The following SV2C variants were observed in gnomAD, a reference collection of about 807,000 sequenced individuals.
SV2C encodes synaptic vesicle glycoprotein 2C, also known as solute carrier family 22 member B3.
In SV2C, 49 loss-of-function variants were observed where a neutral mutation model predicts 79.7. The ratio of observed to expected loss-of-function variants is 0.61; its 90% CI spans 0.49 to 0.78. SV2C has a LOEUF of 0.78. Ranked by LOEUF, SV2C falls within the 30% of genes least tolerant of loss-of-function variation. The pLI is 0.00. For missense variants in SV2C, 833 were observed against 912.9 expected, an observed-to-expected ratio of 0.91 and a Z score of 1.13; for synonymous variants, 334 against 333.2, an observed-to-expected ratio of 1.00 and a Z score of -0.03.
chr5:76,115,476 AT>A, intron 1 of SV2C, among the ~76,000 whole-genome samples: 1 of 152,218 alleles, frequency 6.6e-6, no homozygotes, highest in Middle Eastern at 3.4e-3. Context: ...GAAGAGCTGG[AT>A]TTTTCTCTTT....
intron 1 of SV2C, among the ~76,000 whole-genome samples, chr5:76,130,004 T>A (rs1332389932): frequency 1.3e-5 from 2 of 151,978 alleles, no homozygotes; most frequent in South Asian, 2.1e-4. Flanking sequence ...ATCATTGTCC[T>A]CTCTGCCCCT....
chr5:75,934,302 C>T, the SV2C span, among the ~76,000 whole-genome samples: 2,613 of 107,810 alleles, frequency 0.024, 120 homozygotes, highest in African/African-American at 0.1. Flanking sequence ...TTCTTTCTTT[C>T]TTTTTTTTTT....
rs530194759 is a variant in SV2C at position 76,160,587 on chromosome 5, G to A, written c.580+28257G>A. Reference sequence around the variant, plus strand: ...AACCTTGTGTGCTTCAAAGCACACCGTCTAGAAAGTGACAAAACAGCCCAC... The same window carrying A: ...AACCTTGTGTGCTTCAAAGCACACCATCTAGAAAGTGACAAAACAGCCCAC... On this transcript the variant is annotated intron_variant, in intron 2 of 12. Transcript: ENST00000502798. Among the ~76,000 whole-genome samples, 298 of 152,236 alleles carry A rather than the reference G, an allele frequency of 2.0e-3. 1 individual carries two copies. The highest frequency in any genetic ancestry group is 4.2e-3 in the African/African-American group (176 of 41,562).
intron 2 of SV2C, among the ~76,000 whole-genome samples, chr5:76,192,029 C>T (rs572297932): frequency 7.4e-4 from 113 of 152,288 alleles, no homozygotes; most frequent in African/African-American, 2.7e-3. Context: ...AGAGCTCCAG[C>T]TCATCTAGCA....
chr5:76,231,915 T>G (rs1252732416), intron 4 of SV2C, among the ~76,000 whole-genome samples: 1 of 144,622 alleles, frequency 6.9e-6, no homozygotes, highest in East Asian at 1.9e-4. Context: ...CATGTGTCTT[T>G]ATAGCAGCAT....
chr5:75,953,484 G>A, the SV2C span, among the ~76,000 whole-genome samples: 3 of 151,974 alleles, frequency 2.0e-5, no homozygotes, highest in African/African-American at 4.8e-5. Context: ...CGTAGTAGAT[G>A]TTTCAGGATC....
chr5:76,005,790 G>A, the SV2C span, among the ~76,000 whole-genome samples: 1 of 152,178 alleles, frequency 6.6e-6, no homozygotes, highest in Non-Finnish European at 1.5e-5. Context: ...GAGTTCCAGT[G>A]ACATCATTTC....
intron 2 of SV2C, among the ~76,000 whole-genome samples, chr5:76,144,173 C>G (rs1749348502): frequency 6.6e-6 from 1 of 152,116 alleles, no homozygotes; most frequent in Non-Finnish European, 1.5e-5. Flanking sequence ...ATGCAGTGTT[C>G]CTATGCATTT....
chr5:76,299,077 G>T (rs1020519272), intron 10 of SV2C, 150 bp downstream of exon 10: 11 of 1,056,776 alleles, frequency 1.0e-5, no homozygotes, highest in Non-Finnish European at 1.3e-5. Context: ...TGGATCAAAG[G>T]TTGGCTTGTA....
At chr5:75,850,749 A>G in the SV2C span, among the ~76,000 whole-genome samples, 1 of 152,208 alleles carries the variant, frequency 6.6e-6, no homozygotes, top group Non-Finnish European at 1.5e-5. Context: ...TGCAACAAAC[A>G]GGTCAGCAAG....
the SV2C span, among the ~76,000 whole-genome samples, chr5:75,878,382 G>A: frequency 6.6e-6 from 1 of 152,234 alleles, no homozygotes; most frequent in Non-Finnish European, 1.5e-5. Context: ...TTCTTTTTCA[G>A]AATCTGCTCA....
intron 4 of SV2C, among the ~76,000 whole-genome samples, chr5:76,255,292 C>T (rs778721940): frequency 5.3e-5 from 8 of 152,190 alleles, no homozygotes; most frequent in Non-Finnish European, 1.2e-4. Flanking sequence ...TTGAATCTGT[C>T]TGTTTTCCCA....
the SV2C span, among the ~76,000 whole-genome samples, chr5:76,058,653 T>C: frequency 4.3e-4 from 66 of 152,274 alleles, 1 homozygote; most frequent in Middle Eastern, 6.8e-3. Context: ...TTCATTATTA[T>C]AAAATTAAAT....
chr5:75,945,211 C>A, the SV2C span, among the ~76,000 whole-genome samples: 2 of 152,096 alleles, frequency 1.3e-5, no homozygotes, highest in East Asian at 3.9e-4. Flanking sequence ...AATTTTAGAA[C>A]TGAAAAATAT....
the SV2C span, among the ~76,000 whole-genome samples, chr5:75,987,034 C>G: frequency 6.6e-6 from 1 of 151,926 alleles, no homozygotes; most frequent in Admixed American, 6.6e-5. Flanking sequence ...ACCCACCATG[C>G]TCTCCATATC....
At chr5:76,231,106 AT>A (rs35017277) in intron 4 of SV2C, among the ~76,000 whole-genome samples, 17,932 of 152,142 alleles carry the variant, frequency 0.12, 3,080 homozygotes, top group African/African-American at 0.38. Flanking sequence ...AGCCACAGTC[AT>A]TTTCCAAGGT....
At chr5:76,052,399 G>C in the SV2C span, among the ~76,000 whole-genome samples, 2 of 152,160 alleles carry the variant, frequency 1.3e-5, no homozygotes, top group East Asian at 3.8e-4. Context: ...CTATAACAGA[G>C]AGACAAATAA....
chr5:75,910,942 C>A, the SV2C span: 1 of 913,626 alleles, frequency 1.1e-6, no homozygotes. Flanking sequence ...CAAGCAGCAG[C>A]AGGCTCTCTT....
chr5:76,003,989 G>C, the SV2C span, among the ~76,000 whole-genome samples: 452 of 152,192 alleles, frequency 3.0e-3, no homozygotes, highest in African/African-American at 9.6e-3. Flanking sequence ...GAGCTGAAAG[G>C]TGGTTCCAGT....
Sources: gnomAD v4.1 joint callset for allele counts (sites outside exome capture counted in the v4.1 genomes callset) on GRCh38, gnomAD v4.1.1 for gene constraint, MANE v1.5 for transcripts, NCBI Gene and HGNC (gene_info 2026-07-23, HGNC 2026-07-21) for gene names.